Variants in LOC128462377 observed in about 807,000 individuals in gnomAD.
the LOC128462377 span, among the ~76,000 whole-genome samples, chr16:89,339,365 A>C: frequency 6.7e-6 from 1 of 150,048 alleles, no homozygotes; most frequent in Admixed American, 6.6e-5. Context: ...GCAAACAAAC[A>C]AACAAACAAA....
At chr16:89,328,299 C>A in the LOC128462377 span, among the ~76,000 whole-genome samples, 1 of 152,334 alleles carries the variant, frequency 6.6e-6, no homozygotes, top group East Asian at 1.9e-4. Flanking sequence ...GCCTTACGAA[C>A]CTAAGTGTGC....
At chr16:89,365,645 A>AG in the LOC128462377 span, among the ~76,000 whole-genome samples, 1 of 152,206 alleles carries the variant, frequency 6.6e-6, no homozygotes, top group South Asian at 2.1e-4. Flanking sequence ...TAAGCCAAGT[A>AG]GGGGGCCTTT....
chr16:89,404,593 A>ACT, the LOC128462377 span, among the ~76,000 whole-genome samples: 1 of 152,354 alleles, frequency 6.6e-6, no homozygotes, highest in East Asian at 1.9e-4. Context: ...AGTTACCAGC[A>ACT]CTCTATCAGG....
At chr16:89,395,799 C>G in the LOC128462377 span, 2 of 152,232 alleles carry the variant, frequency 1.3e-5, no homozygotes, top group African/African-American at 4.8e-5. Context: ...AATGCCTTCT[C>G]AGCTGGGTGA....
the LOC128462377 span, among the ~76,000 whole-genome samples, chr16:89,397,322 C>T: frequency 2.0e-5 from 3 of 152,234 alleles, no homozygotes; most frequent in African/African-American, 7.2e-5. Context: ...AGTCCAACTC[C>T]ACGGATTCCA....
chr16:89,318,875 T>C, the LOC128462377 span, among the ~76,000 whole-genome samples: 1 of 152,128 alleles, frequency 6.6e-6, no homozygotes, highest in African/African-American at 2.4e-5. Context: ...CCATCCACCA[T>C]CCCTGATGCC....
chr16:89,414,024 G>A, the LOC128462377 span, among the ~76,000 whole-genome samples: 121 of 149,322 alleles, frequency 8.1e-4, no homozygotes, highest in African/African-American at 2.8e-3. Context: ...CCACCACCAC[G>A]GGCCTGCACA....
chr16:89,326,386 C>G, the LOC128462377 span, among the ~76,000 whole-genome samples: 17 of 152,012 alleles, frequency 1.1e-4, no homozygotes, highest in East Asian at 1.2e-3. Flanking sequence ...CCGCCCCCCC[C>G]ACCCCGCTGC....
At chr16:89,322,367 TC>T in the LOC128462377 span, among the ~76,000 whole-genome samples, 1 of 152,232 alleles carries the variant, frequency 6.6e-6, no homozygotes, top group East Asian at 1.9e-4. Flanking sequence ...GGGCAAATGC[TC>T]CTCTCCTTAT....
At chr16:89,355,670 A>G in the LOC128462377 span, among the ~76,000 whole-genome samples, 4,792 of 152,306 alleles carry the variant, frequency 0.031, 260 homozygotes, top group African/African-American at 0.11. Context: ...TCTTCCATTA[A>G]TAAGTAAAAC....
the LOC128462377 span, among the ~76,000 whole-genome samples, chr16:89,365,751 T>A: frequency 6.6e-6 from 1 of 152,152 alleles, no homozygotes; most frequent in Non-Finnish European, 1.5e-5. Flanking sequence ...GGTTGCAGGT[T>A]TGTTACGTAG....
the LOC128462377 span, among the ~76,000 whole-genome samples, chr16:89,345,501 CCTCCAGTGGCCCCAGGCT>C: frequency 1.3e-5 from 2 of 152,192 alleles, no homozygotes; most frequent in East Asian, 3.9e-4. Context: ...GAGACCAGGC[CCTCCAGTGGCCCCAGGCT>C]CTCCAACTTC....
the LOC128462377 span, among the ~76,000 whole-genome samples, chr16:89,387,137 G>A: frequency 7.8e-4 from 119 of 152,094 alleles, no homozygotes; most frequent in African/African-American, 2.7e-3. Flanking sequence ...GGGAGAGGTA[G>A]GTCACACAGC....
At chr16:89,381,254 C>T in the LOC128462377 span, among the ~76,000 whole-genome samples, 3 of 149,978 alleles carry the variant, frequency 2.0e-5, no homozygotes, top group Non-Finnish European at 4.4e-5. Context: ...ATTGCTTGAA[C>T]CCGGGAGGCG....
chr16:89,399,938 A>G, the LOC128462377 span, among the ~76,000 whole-genome samples: 2 of 152,156 alleles, frequency 1.3e-5, no homozygotes, highest in African/African-American at 4.8e-5. Flanking sequence ...GAAGCAGAGT[A>G]AGCCGAGTGA....
the LOC128462377 span, among the ~76,000 whole-genome samples, chr16:89,403,312 C>T: frequency 3.3e-5 from 5 of 152,180 alleles, no homozygotes; most frequent in East Asian, 7.7e-4. Context: ...CCTGCTCCCC[C>T]CTCCTGACCG....
the LOC128462377 span, among the ~76,000 whole-genome samples, chr16:89,342,479 G>A: frequency 8.5e-5 from 13 of 152,358 alleles, no homozygotes; most frequent in East Asian, 3.9e-4. Flanking sequence ...AAGGCAAAGC[G>A]TGAGGAGGAA....
chr16:89,417,848 C>T, the LOC128462377 span, among the ~76,000 whole-genome samples: 1 of 152,068 alleles, frequency 6.6e-6, no homozygotes, highest in Middle Eastern at 3.2e-3. Flanking sequence ...GGCAAGACCA[C>T]CAGGATCCTA....
At chr16:89,354,465 G>A in the LOC128462377 span, among the ~76,000 whole-genome samples, 1 of 152,328 alleles carries the variant, frequency 6.6e-6, no homozygotes, top group East Asian at 1.9e-4. Context: ...CCACCTCCCT[G>A]CACCAGTGGA....
Sources: allele counts gnomAD v4.1 joint callset (sites outside exome capture counted in the v4.1 genomes callset), GRCh38; gene constraint gnomAD v4.1.1; transcripts MANE v1.5.